The following TBC1D5 variants were observed in gnomAD, a reference collection of about 807,000 sequenced individuals.
TBC1D5 encodes the protein TBC1 domain family member 5.
A neutral mutation model predicts 100.3 loss-of-function variants in TBC1D5; 75 were observed. The ratio of observed to expected loss-of-function variants is 0.75; its 90% CI spans 0.62 to 0.91. The LOEUF is 0.91. TBC1D5 is among the 40% of genes least tolerant of loss of function. TBC1D5 has a pLI of 0.00. For synonymous variants in TBC1D5, 323 were observed against 325.6 expected, an observed-to-expected ratio of 0.99 and a Z score of 0.09; for missense variants, 910 against 942.4, an observed-to-expected ratio of 0.97 and a Z score of 0.45.
intron 3 of TBC1D5, among the ~76,000 whole-genome samples, chr3:17,493,594 C>T (rs1021404287): frequency 6.6e-6 from 1 of 152,084 alleles, no homozygotes; most frequent in African/African-American, 2.4e-5. Flanking sequence ...TTTACATAAC[C>T]CCATAGTTCT....
At chr3:17,493,028 C>T (rs1223940821) in intron 3 of TBC1D5, among the ~76,000 whole-genome samples, 1 of 152,114 alleles carries the variant, frequency 6.6e-6, no homozygotes, top group South Asian at 2.1e-4. Context: ...TTCATAGTGT[C>T]ATTGGTCTGT....
chr3:17,618,104 T>C (rs961482697), intron 2 of TBC1D5, among the ~76,000 whole-genome samples: 10 of 151,686 alleles, frequency 6.6e-5, no homozygotes, highest in African/African-American at 2.4e-4. Flanking sequence ...TCCTTTTTGT[T>C]GGTGTTGATG....
intron 1 of TBC1D5, among the ~76,000 whole-genome samples, chr3:17,703,535 T>G (rs961256103): frequency 1.3e-5 from 2 of 152,134 alleles, no homozygotes; most frequent in African/African-American, 4.8e-5. Flanking sequence ...TATCATAAGA[T>G]GTGCAAATGG....
chr3:17,562,515 A>G (rs1392574086), intron 2 of TBC1D5, among the ~76,000 whole-genome samples: 3 of 151,556 alleles, frequency 2.0e-5, no homozygotes, highest in Non-Finnish European at 4.4e-5. Flanking sequence ...ATGACTTAAA[A>G]CAAAAAAAAA....
intron 1 of TBC1D5, among the ~76,000 whole-genome samples, chr3:17,628,222 T>C (rs1328128925): frequency 6.6e-6 from 1 of 151,794 alleles, no homozygotes; most frequent in East Asian, 1.9e-4. Flanking sequence ...TACAAAAAAT[T>C]AGCCAGGCAT....
At chr3:17,301,332 A>T (rs114475975) in intron 14 of TBC1D5, among the ~76,000 whole-genome samples, 2,206 of 152,344 alleles carry the variant, frequency 0.014, 51 homozygotes, top group African/African-American at 0.05. Context: ...AAAGTAGGCC[A>T]TGCTTTCTTT....
In TBC1D5 at chr3:17,636,079, G is replaced by A. The variant is rs181966146; in HGVS notation, c.-100-12166C>T. ...GTGGTGGTGGGCACCTGTAATCCCAGCTACTTGAGAGGCTGAGGCAGGAGA... is the reference window on the plus strand; with the variant it reads ...GTGGTGGTGGGCACCTGTAATCCCAACTACTTGAGAGGCTGAGGCAGGAGA... On this transcript the variant is annotated intron_variant, in intron 1 of 21. Transcript: ENST00000253692. Among the ~76,000 whole-genome samples the A allele has an allele frequency of 4.2e-3, 638 of 152,202 alleles. 1 individual carries two copies. Among genetic ancestry groups the A allele is most frequent in the Non-Finnish European group, 6.5e-3 (445 of 67,990 alleles).
intron 18 of TBC1D5, among the ~76,000 whole-genome samples, chr3:17,205,269 C>G (rs950722065): frequency 2.0e-5 from 3 of 152,148 alleles, no homozygotes; most frequent in Non-Finnish European, 4.4e-5. Context: ...TAGATGAACT[C>G]TAGATTCCAG....
intron 2 of TBC1D5, among the ~76,000 whole-genome samples, chr3:17,599,474 C>G (rs964094959): frequency 1.3e-5 from 2 of 152,124 alleles, no homozygotes; most frequent in African/African-American, 2.4e-5. Flanking sequence ...TTCCAGCTCC[C>G]CATTCCACTG....
chr3:17,528,976 A>G (rs2096178934), intron 2 of TBC1D5, among the ~76,000 whole-genome samples: 1 of 152,116 alleles, frequency 6.6e-6, no homozygotes, highest in African/African-American at 2.4e-5. Context: ...TCCCTAATTT[A>G]AGCTAGCATC....
chr3:17,612,394 G>A (rs572722753), intron 2 of TBC1D5, among the ~76,000 whole-genome samples: 7 of 151,726 alleles, frequency 4.6e-5, no homozygotes, highest in Admixed American at 2.0e-4. Context: ...TTTGGAGGCC[G>A]AGGCAAGTGG....
At chr3:17,446,412 T>G (rs1308039969) in intron 3 of TBC1D5, among the ~76,000 whole-genome samples, 1 of 152,120 alleles carries the variant, frequency 6.6e-6, no homozygotes, top group African/African-American at 2.4e-5. Flanking sequence ...TAATGATTCC[T>G]AAATTTCTGG....
At chr3:17,208,215 C>T (rs984057783) in intron 18 of TBC1D5, among the ~76,000 whole-genome samples, 2 of 152,216 alleles carry the variant, frequency 1.3e-5, no homozygotes, top group African/African-American at 4.8e-5. Context: ...TGGGCCTAAG[C>T]ATTTTCCAAC....
At chr3:17,372,635 CT>C (rs1356333257) in intron 12 of TBC1D5, among the ~76,000 whole-genome samples, 1 of 152,122 alleles carries the variant, frequency 6.6e-6, no homozygotes, top group Non-Finnish European at 1.5e-5. Flanking sequence ...CACTGAGTTT[CT>C]CACCTAGCGT....
intron 20 of TBC1D5, 81 bp downstream of exon 21, chr3:17,167,668 C>T: frequency 2.3e-6 from 3 of 1,288,904 alleles, no homozygotes; most frequent in Non-Finnish European, 3.4e-6. Flanking sequence ...CTGGCTCTAA[C>T]ATCATGGTGC....
chr3:17,319,204 T>TA (rs1023033459), intron 13 of TBC1D5, among the ~76,000 whole-genome samples: 1 of 152,200 alleles, frequency 6.6e-6, no homozygotes, highest in Non-Finnish European at 1.5e-5. Context: ...AACCATCACA[T>TA]AAAACACTTT....
At chr3:17,471,993 G>C (rs2095380958) in intron 3 of TBC1D5, among the ~76,000 whole-genome samples, 1 of 151,756 alleles carries the variant, frequency 6.6e-6, no homozygotes, top group African/African-American at 2.4e-5. Context: ...ATACTAACAG[G>C]ACACACTAAG....
chr3:17,674,949 A>G (rs985460470), intron 1 of TBC1D5, among the ~76,000 whole-genome samples: 1 of 152,132 alleles, frequency 6.6e-6, no homozygotes, highest in African/African-American at 2.4e-5. Context: ...ACGTGAACAT[A>G]GAATAAAGAA....
intron 4 of TBC1D5, among the ~76,000 whole-genome samples, chr3:17,416,545 G>A (rs2094077720): frequency 6.6e-6 from 1 of 152,132 alleles, no homozygotes; most frequent in Non-Finnish European, 1.5e-5. Context: ...ACTGGGGAAA[G>A]CAAACAAACA....
Sources: allele counts gnomAD v4.1 joint callset (sites outside exome capture counted in the v4.1 genomes callset), GRCh38; gene constraint gnomAD v4.1.1; transcripts MANE v1.5; gene names NCBI Gene and HGNC (gene_info 2026-07-23, HGNC 2026-07-21).